ATP2B2: variants seen among roughly 807,000 people sequenced by gnomAD.
ATP2B2 encodes the protein ATPase plasma membrane Ca2+ transporting 2, also known as plasma membrane calcium-transporting ATPase 2.
A neutral mutation model predicts 120.0 loss-of-function variants in ATP2B2; 15 were observed. That is an observed-to-expected ratio of 0.12 (90% CI 0.08 to 0.19). The LOEUF (loss-of-function observed/expected upper bound fraction) is 0.19, where lower values mean the gene tolerates loss of function less well. Ranked by LOEUF, ATP2B2 falls within the 10% of genes least tolerant of loss-of-function variation. ATP2B2 has a pLI of 1.00. For synonymous variants in ATP2B2, 694 were observed against 700.3 expected, an observed-to-expected ratio of 0.99 and a Z score of 0.14; for missense variants, 1,045 against 1,719.8, an observed-to-expected ratio of 0.61 and a Z score of 6.94.
At chr3:10,626,881 C>G (rs893076310) in intron 1 of ATP2B2, 1 of 137,790 alleles carries the variant, frequency 7.3e-6, no homozygotes, top group Non-Finnish European at 1.6e-5. Context: ...CACACACACA[C>G]ACACACACAC....
chr3:10,601,289 C>T (rs375564039), intron 2 of ATP2B2, among the ~76,000 whole-genome samples: 1 of 152,164 alleles, frequency 6.6e-6, no homozygotes, highest in Non-Finnish European at 1.5e-5. Flanking sequence ...GAGTCCAGTT[C>T]GGTCATACCC....
chr3:10,465,384 G>GA (rs1246207813), intron 1 of ATP2B2, among the ~76,000 whole-genome samples: 1 of 152,246 alleles, frequency 6.6e-6, no homozygotes, highest in Non-Finnish European at 1.5e-5. Flanking sequence ...CCCTGGGTCT[G>GA]ATGACAGGCA....
chr3:10,632,482 C>T (rs1335896614), intron 1 of ATP2B2, among the ~76,000 whole-genome samples: 1 of 152,232 alleles, frequency 6.6e-6, no homozygotes, highest in African/African-American at 2.4e-5. Context: ...TTCTAAGGCT[C>T]AGTGAAGTCA....
intron 2 of ATP2B2, among the ~76,000 whole-genome samples, chr3:10,431,717 T>C (rs2063321845): frequency 6.6e-6 from 1 of 151,510 alleles, no homozygotes; most frequent in South Asian, 2.1e-4. Context: ...ACATAGTAGG[T>C]GCTCAAGAAA....
At chr3:10,590,293 G>A (rs774080764) in intron 2 of ATP2B2, among the ~76,000 whole-genome samples, 6 of 152,216 alleles carry the variant, frequency 3.9e-5, no homozygotes, top group Admixed American at 6.5e-5. Context: ...ACAAAGTGAC[G>A]AGGGGTAAAT....
At chr3:10,585,493 G>GGAA (rs1250583445) in intron 2 of ATP2B2, among the ~76,000 whole-genome samples, 1 of 28,510 alleles carries the variant, frequency 3.5e-5, no homozygotes, top group East Asian at 2.6e-3. Flanking sequence ...GACTCCGTCT[G>GGAA]AAAAAAAAAA....
At chr3:10,631,582 C>A (rs2069866945) in intron 1 of ATP2B2, among the ~76,000 whole-genome samples, 1 of 152,162 alleles carries the variant, frequency 6.6e-6, no homozygotes, top group African/African-American at 2.4e-5. Flanking sequence ...GAAGGGAGAT[C>A]TTTGCAAGGG....
chr3:10,340,796 A>G lies in ATP2B2; in HGVS notation c.2918-92T>C, dbSNP rs2060253515. ...CCTTTCGTGGGGGCCTCTTCTGAGC[A>G]GTGACGTGAATCCCCAAGACATCAA... is the stretch of plus-strand genomic sequence containing the variant. On this transcript the variant is annotated intron_variant, in intron 19 of 22. Coordinates refer to ENST00000360273, the MANE Select transcript of ATP2B2 (RefSeq NM_001001331.4). The surrounding 1 kb of genome is among the most constrained non-coding windows in gnomAD (Gnocchi z 5.0). 7 of 1,269,950 alleles carry G rather than the reference A, an allele frequency of 5.5e-6. No individual in the cohort carries two copies. The highest frequency in any genetic ancestry group is 7.9e-6 in the Non-Finnish European group (7 of 881,042). 78.7% of individuals were successfully genotyped at this position (1,269,950 alleles called of 1,614,324 possible).
At position 10,493,023 on chromosome 3, in the gene ATP2B2, GTTCA is replaced by G. The variant is rs575814546; in HGVS notation, c.-320+12438_-320+12441del. 2.0e-4 allele frequency among the ~76,000 whole-genome samples: 30 copies of G among 152,102 alleles called. No individual in the cohort carries two copies. In the South Asian group the frequency reaches 2.9e-3, roughly 15 times the overall value. ...CTCTCCATATCTGGCCAATTCATTT[GTTCA>G]TTCATTCATTCATTCATTCATTCCA... is the stretch of plus-strand genomic sequence containing the variant. On this transcript the variant is annotated intron_variant, in intron 1 of 22. Transcript: ENST00000360273.
chr3:10,456,508 G>T (rs1338626099), intron 1 of ATP2B2, among the ~76,000 whole-genome samples: 1 of 152,142 alleles, frequency 6.6e-6, no homozygotes, highest in Non-Finnish European at 1.5e-5. Flanking sequence ...TACCTCACAG[G>T]GTTTTGTAAG....
chr3:10,580,342 C>T (rs543510710), intron 2 of ATP2B2, among the ~76,000 whole-genome samples: 1 of 152,278 alleles, frequency 6.6e-6, no homozygotes, highest in East Asian at 1.9e-4. Context: ...CCACTGGAAC[C>T]GAAGCTCTTA....
chr3:10,358,727 G>C lies in ATP2B2; in HGVS notation c.2100C>G (p.Ile700Met). ...ENDILNELTCICVVGIEDPVR... is the reference protein window; with the variant it reads ...ENDILNELTCMCVVGIEDPVR... Reference sequence around the variant, plus strand: ...CCGGGTCCTCGATGCCCACCACGCAGATGCAGGTGAGTTCGTTGAGGATGT... The same window carrying C: ...CCGGGTCCTCGATGCCCACCACGCACATGCAGGTGAGTTCGTTGAGGATGT... The change falls in exon 14 of 23, where the codon ATC becomes ATG. Residue 700 changes from isoleucine to methionine, a missense_variant. Coordinates refer to ENST00000360273, the MANE Select transcript of ATP2B2 (RefSeq NM_001001331.4). 6.2e-7 allele frequency: 1 copy of C among 1,614,242 alleles called. No homozygotes were observed. Among genetic ancestry groups the C allele is most frequent in the Non-Finnish European group, 8.5e-7 (1 of 1,180,046 alleles).
chr3:10,449,321 T>C (rs2063947652), intron 2 of ATP2B2, 24 bp downstream of exon 2: 1 of 1,613,818 alleles, frequency 6.2e-7, no homozygotes, highest in South Asian at 1.1e-5. Flanking sequence ...GCTGCAGCCC[T>C]GGGTTCAAGT....
intron 14 of ATP2B2, among the ~76,000 whole-genome samples, chr3:10,351,255 AC>A: frequency 6.6e-6 from 1 of 151,794 alleles, no homozygotes; most frequent in South Asian, 2.1e-4. Context: ...GCCCCACCCT[AC>A]CCCAGCAGCT....
chr3:10,449,099 C>T (rs1221930783), intron 2 of ATP2B2, among the ~76,000 whole-genome samples: 1 of 152,208 alleles, frequency 6.6e-6, no homozygotes, highest in Non-Finnish European at 1.5e-5. Flanking sequence ...CAGTCTTGAC[C>T]CAGCTTTCTT....
At chr3:10,419,399 T>C (rs2062895946) in intron 2 of ATP2B2, among the ~76,000 whole-genome samples, 1 of 152,170 alleles carries the variant, frequency 6.6e-6, no homozygotes, top group South Asian at 2.1e-4. Flanking sequence ...AAAGGATAGA[T>C]GCAGCTGTCA....
intron 1 of ATP2B2, among the ~76,000 whole-genome samples, chr3:10,488,288 T>TCCAC (rs1245841044): frequency 0.35 from 40,148 of 113,388 alleles, 8,685 homozygotes; most frequent in Middle Eastern, 0.41. Context: ...CATGCATCCA[T>TCCAC]CCACCCACCC....
chr3:10,463,474 G>A (rs970942127), intron 1 of ATP2B2, among the ~76,000 whole-genome samples: 3 of 152,230 alleles, frequency 2.0e-5, no homozygotes, highest in African/African-American at 7.2e-5. Flanking sequence ...CACTTTATAG[G>A]CATCAAACCA....
At chr3:10,512,290 C>T (rs2066776642) in intron 3 of ATP2B2, among the ~76,000 whole-genome samples, 2 of 152,016 alleles carry the variant, frequency 1.3e-5, no homozygotes, top group Admixed American at 6.5e-5. Context: ...GCTGGCAGGC[C>T]TAACTGCTGA....
Sources: gnomAD v4.1 joint callset for allele counts (sites outside exome capture counted in the v4.1 genomes callset) on GRCh38, gnomAD v4.1.1 for gene constraint, Gnocchi (gnomAD v3.1) non-coding constraint, MANE v1.5 for transcripts, NCBI Gene and HGNC (gene_info 2026-07-23, HGNC 2026-07-21) for gene names.